The following METTL25 variants were observed in gnomAD, a reference collection of about 807,000 sequenced individuals.
The protein encoded by METTL25 is probable methyltransferase-like protein 25.
In METTL25, 64 loss-of-function variants were observed where a neutral mutation model predicts 71.6. The ratio of observed to expected loss-of-function variants is 0.89; its 90% CI spans 0.73 to 1.10. METTL25 has a LOEUF of 1.10. Ranked by LOEUF, METTL25 falls within the 50% of genes least tolerant of loss-of-function variation. The pLI is 0.00. For synonymous variants in METTL25, 287 were observed against 250.3 expected (o/e 1.15, Z -1.38); for missense variants, 807 against 707.0 (o/e 1.14, Z -1.60).
chr12:82,444,672 T>A (rs1411202801), intron 8 of METTL25, among the ~76,000 whole-genome samples: 1 of 151,910 alleles, frequency 6.6e-6, no homozygotes, highest in East Asian at 1.9e-4. Flanking sequence ...GTTATAGAGG[T>A]TTTTTTAGCT....
chr12:82,367,755 A>G (rs558819204), intron 1 of METTL25, among the ~76,000 whole-genome samples: 6 of 152,164 alleles, frequency 3.9e-5, no homozygotes, highest in Admixed American at 1.3e-4. Context: ...TTCATTTCCT[A>G]CAAAATAAAG....
chr12:82,383,099 T>G (rs561695693), intron 1 of METTL25, among the ~76,000 whole-genome samples: 5 of 152,198 alleles, frequency 3.3e-5, no homozygotes, highest in African/African-American at 1.2e-4. Context: ...ATATAGTATC[T>G]TAGGATATCA....
chr12:82,472,713 A>C (rs530020179), intron 9 of METTL25, among the ~76,000 whole-genome samples: 5 of 152,064 alleles, frequency 3.3e-5, no homozygotes, highest in Admixed American at 6.6e-5. Flanking sequence ...TTTTGTATCT[A>C]TCTCTTTAAT....
chr12:82,378,351 A>G (rs1247442628), intron 1 of METTL25, among the ~76,000 whole-genome samples: 2 of 152,230 alleles, frequency 1.3e-5, no homozygotes, highest in African/African-American at 2.4e-5. Context: ...TGAACTATAC[A>G]CATCATTACA....
At chr12:82,478,330 A>G (rs1308701352) in intron 11 of METTL25, among the ~76,000 whole-genome samples, 1 of 151,844 alleles carries the variant, frequency 6.6e-6, no homozygotes, top group East Asian at 1.9e-4. Flanking sequence ...TGTTATTTTT[A>G]ATATTTCAAT....
chr12:82,375,456 T>C (rs530849885), intron 1 of METTL25, among the ~76,000 whole-genome samples: 183 of 150,868 alleles, frequency 1.2e-3, no homozygotes, highest in African/African-American at 4.4e-3. Flanking sequence ...AAAAAAAATA[T>C]ATATATGTTC....
At chr12:82,473,849 A>C (rs1400436301) in intron 9 of METTL25, among the ~76,000 whole-genome samples, 1 of 152,138 alleles carries the variant, frequency 6.6e-6, no homozygotes, top group Non-Finnish European at 1.5e-5. Flanking sequence ...AGTGACAGCC[A>C]ATCCTGGACC....
chr12:82,445,370 T>G (rs947219108), intron 8 of METTL25, among the ~76,000 whole-genome samples: 1 of 152,128 alleles, frequency 6.6e-6, no homozygotes, highest in African/African-American at 2.4e-5. Context: ...AAATGTAAAC[T>G]AATGTAAGTA....
At chr12:82,367,314 A>G (rs1882679876) in intron 1 of METTL25, among the ~76,000 whole-genome samples, 1 of 152,188 alleles carries the variant, frequency 6.6e-6, no homozygotes, top group Non-Finnish European at 1.5e-5. Flanking sequence ...GTAAGCTTAT[A>G]GTTATGGTTA....
chr12:82,371,804 GTCAGAAGGATTT>G (rs1883265120), intron 1 of METTL25, among the ~76,000 whole-genome samples: 1 of 152,152 alleles, frequency 6.6e-6, no homozygotes, highest in South Asian at 2.1e-4. Flanking sequence ...GCTCAGGGAA[GTCAGAAGGATTT>G]TCTTCCCTTC....
At chr12:82,389,999 C>T in intron 3 of METTL25, 77 bp downstream of exon 3, 1 of 784,358 alleles carries the variant, frequency 1.3e-6, no homozygotes, top group Non-Finnish European at 2.2e-6. Flanking sequence ...CACCTTTTTA[C>T]TGTCAGCTAG....
At chr12:82,443,897 C>T (rs1291600335) in intron 8 of METTL25, among the ~76,000 whole-genome samples, 1 of 152,138 alleles carries the variant, frequency 6.6e-6, no homozygotes, top group Non-Finnish European at 1.5e-5. Context: ...AAACTTTTCC[C>T]ATTAGGCCCC....
intron 9 of METTL25, chr12:82,474,542 C>G (rs1446267042): frequency 6.6e-6 from 1 of 152,092 alleles, no homozygotes; most frequent in Non-Finnish European, 1.5e-5. Flanking sequence ...GGGTACAGAA[C>G]CTGCAGTTAG....
intron 1 of METTL25, among the ~76,000 whole-genome samples, chr12:82,360,021 A>G (rs1881616657): frequency 6.6e-6 from 1 of 152,242 alleles, no homozygotes; most frequent in Non-Finnish European, 1.5e-5. Context: ...CCAAAAGAGC[A>G]GAGTCTTTGT....
chr12:82,422,951 T>C (rs369763608), intron 5 of METTL25, among the ~76,000 whole-genome samples: 4 of 152,078 alleles, frequency 2.6e-5, no homozygotes, highest in East Asian at 1.9e-4. Context: ...GAATCAATAT[T>C]GTGAAAATGG....
At chr12:82,374,976 A>T (rs1013665600) in intron 1 of METTL25, among the ~76,000 whole-genome samples, 2 of 152,166 alleles carry the variant, frequency 1.3e-5, no homozygotes, top group African/African-American at 4.8e-5. Flanking sequence ...GTACAGAGAA[A>T]ATTGGTAGTG....
chr12:82,436,058 G>T (rs980063740), intron 7 of METTL25, among the ~76,000 whole-genome samples: 2 of 151,218 alleles, frequency 1.3e-5, no homozygotes, highest in African/African-American at 4.8e-5. Context: ...TGGTTTTCTA[G>T]AGGTCTGGGG....
chr12:82,452,809 C>CT (rs1891237315), intron 8 of METTL25, among the ~76,000 whole-genome samples: 1 of 151,908 alleles, frequency 6.6e-6, no homozygotes, highest in Non-Finnish European at 1.5e-5. Context: ...GAAAAAGTCC[C>CT]TTTTTTCTTG....
At chr12:82,364,203 G>A (rs1882297149) in intron 1 of METTL25, among the ~76,000 whole-genome samples, 2 of 152,184 alleles carry the variant, frequency 1.3e-5, no homozygotes, top group Non-Finnish European at 2.9e-5. Context: ...AGTTGGCTGG[G>A]GCTGTAGTTG....
Sources: allele counts gnomAD v4.1 joint callset (sites outside exome capture counted in the v4.1 genomes callset), GRCh38; gene constraint gnomAD v4.1.1; transcripts MANE v1.5; gene names NCBI Gene and HGNC (gene_info 2026-07-23, HGNC 2026-07-21).